CCSER1: variants seen among roughly 807,000 people sequenced by gnomAD.
The protein encoded by CCSER1 is coiled-coil serine rich protein 1, also known as serine-rich coiled-coil domain-containing protein 1.
Under a neutral mutation model 82.0 loss-of-function variants are expected in CCSER1, and 41 were observed. The observed-to-expected ratio is 0.50, with a 90% CI of 0.39 to 0.65. The LOEUF (loss-of-function observed/expected upper bound fraction) is 0.65, where lower values mean the gene tolerates loss of function less well. Ranked by LOEUF, CCSER1 falls within the 30% of genes least tolerant of loss-of-function variation. The probability of loss-of-function intolerance (pLI) is 0.00; values close to 1 mark genes in which losing one functional copy is unlikely to be tolerated. For synonymous variants in CCSER1, 414 were observed against 383.9 expected, an observed-to-expected ratio of 1.08 and a Z score of -0.92; for missense variants, 1,119 against 1,064.2, an observed-to-expected ratio of 1.05 and a Z score of -0.72.
intron 10 of CCSER1, among the ~76,000 whole-genome samples, chr4:91,483,071 T>C (rs1208140174): frequency 6.6e-6 from 1 of 151,264 alleles, no homozygotes; most frequent in Non-Finnish European, 1.5e-5. Flanking sequence ...TGTGCATATG[T>C]ACCCTAGAAC....
chr4:90,896,054 C>T (rs759364334), intron 8 of CCSER1, among the ~76,000 whole-genome samples: 1 of 151,792 alleles, frequency 6.6e-6, no homozygotes, highest in African/African-American at 2.4e-5. Context: ...GTAGATAAAA[C>T]AGAGAGGAAG....
chr4:90,357,171 A>G (rs1193635748), intron 3 of CCSER1, among the ~76,000 whole-genome samples: 1 of 151,912 alleles, frequency 6.6e-6, no homozygotes, highest in African/African-American at 2.4e-5. Context: ...AACTGTGCAA[A>G]ATATTACTTA....
intron 1 of CCSER1, among the ~76,000 whole-genome samples, chr4:90,160,170 C>T (rs1729168496): frequency 6.6e-6 from 1 of 152,166 alleles, no homozygotes; most frequent in African/African-American, 2.4e-5. Context: ...CTCTTCAAAA[C>T]AGTCCTTAAG....
chr4:91,469,423 G>T (rs373967637), intron 10 of CCSER1, among the ~76,000 whole-genome samples: 54 of 152,152 alleles, frequency 3.5e-4, no homozygotes, highest in Middle Eastern at 3.4e-3. Flanking sequence ...CAGATTTTTC[G>T]TTCAGCTTAG....
chr4:90,194,520 T>C (rs544153901), intron 1 of CCSER1, among the ~76,000 whole-genome samples: 1 of 152,086 alleles, frequency 6.6e-6, no homozygotes, highest in Non-Finnish European at 1.5e-5. Context: ...TTAAAACATA[T>C]GATTCTTTAA....
At chr4:90,968,395 C>G (rs1254584353) in intron 9 of CCSER1, among the ~76,000 whole-genome samples, 1 of 151,946 alleles carries the variant, frequency 6.6e-6, no homozygotes, top group African/African-American at 2.4e-5. Context: ...CATGTGTGCC[C>G]CCACAGATAG....
chr4:91,091,404 G>A (rs574321940), intron 10 of CCSER1, among the ~76,000 whole-genome samples: 2 of 152,156 alleles, frequency 1.3e-5, no homozygotes, highest in South Asian at 2.1e-4. Context: ...GAATTACTAG[G>A]CATTCATAAT....
chr4:91,357,727 T>G (rs1429333420), intron 10 of CCSER1, among the ~76,000 whole-genome samples: 1 of 152,032 alleles, frequency 6.6e-6, no homozygotes, highest in African/African-American at 2.4e-5. Context: ...TTTATAACAT[T>G]TTTTCTTTCA....
chr4:90,588,462 T>C (rs1782287163), intron 5 of CCSER1, among the ~76,000 whole-genome samples: 2 of 152,210 alleles, frequency 1.3e-5, no homozygotes, highest in Admixed American at 1.3e-4. Flanking sequence ...AATTTTGTTA[T>C]GAGTTTGCAG....
At chr4:90,674,215 T>C (rs1733360117) in intron 6 of CCSER1, among the ~76,000 whole-genome samples, 1 of 151,964 alleles carries the variant, frequency 6.6e-6, no homozygotes, top group Non-Finnish European at 1.5e-5. Context: ...GAGAGAATTA[T>C]GCTTCATATT....
chr4:90,346,799 G>A (rs1469873690), intron 3 of CCSER1, among the ~76,000 whole-genome samples: 1 of 151,972 alleles, frequency 6.6e-6, no homozygotes, highest in Non-Finnish European at 1.5e-5. Flanking sequence ...AAATTACAAA[G>A]AATTGTTGCA....
At chr4:90,925,950 C>A (rs994092510) in intron 9 of CCSER1, among the ~76,000 whole-genome samples, 1 of 151,964 alleles carries the variant, frequency 6.6e-6, no homozygotes, top group Non-Finnish European at 1.5e-5. Context: ...GGGCATCTTG[C>A]ATGTGAAAAA....
intron 4 of CCSER1, among the ~76,000 whole-genome samples, chr4:90,430,111 A>C (rs1412119962): frequency 6.6e-6 from 1 of 151,844 alleles, no homozygotes; most frequent in Non-Finnish European, 1.5e-5. Flanking sequence ...TACCTAGTAC[A>C]CTCTCAAAGA....
chr4:91,521,658 G>C (rs1319196727), intron 10 of CCSER1, among the ~76,000 whole-genome samples: 1 of 152,152 alleles, frequency 6.6e-6, no homozygotes, highest in Non-Finnish European at 1.5e-5. Flanking sequence ...TCATGTGTCT[G>C]TTGGCTGCAT....
At chr4:90,402,697 C>T (rs917484618) in intron 4 of CCSER1, among the ~76,000 whole-genome samples, 3 of 152,108 alleles carry the variant, frequency 2.0e-5, no homozygotes, top group Non-Finnish European at 2.9e-5. Flanking sequence ...TGGTAGTCAA[C>T]CACAATGACG....
At chr4:91,457,651 C>T (rs979976288) in intron 10 of CCSER1, among the ~76,000 whole-genome samples, 1 of 151,954 alleles carries the variant, frequency 6.6e-6, no homozygotes, top group Admixed American at 6.6e-5. Flanking sequence ...TCTTGGGCAA[C>T]AGAGTGAGAT....
At chr4:90,213,647 C>T (rs1740456424) in intron 1 of CCSER1, among the ~76,000 whole-genome samples, 1 of 152,068 alleles carries the variant, frequency 6.6e-6, no homozygotes, top group African/African-American at 2.4e-5. Flanking sequence ...TGGTGAGGGA[C>T]AAGCCAAGAA....
intron 6 of CCSER1, among the ~76,000 whole-genome samples, chr4:90,669,637 C>T (rs551314999): frequency 3.3e-5 from 5 of 151,946 alleles, no homozygotes; most frequent in East Asian, 1.9e-4. Context: ...ACAATTGAGT[C>T]GAACTTTTGA....
At chr4:90,816,356 T>C (rs1474115085) in intron 8 of CCSER1, among the ~76,000 whole-genome samples, 2 of 152,234 alleles carry the variant, frequency 1.3e-5, no homozygotes, top group South Asian at 2.1e-4. Context: ...ATGCAGTGTG[T>C]GTGGTTCAGG....
Sources: gnomAD v4.1 joint callset for allele counts (sites outside exome capture counted in the v4.1 genomes callset) on GRCh38, gnomAD v4.1.1 for gene constraint, MANE v1.5 for transcripts, NCBI Gene and HGNC (gene_info 2026-07-23, HGNC 2026-07-21) for gene names.